Variants in UHRF2 observed in about 807,000 individuals in gnomAD.
The protein encoded by UHRF2 is E3 ubiquitin-protein ligase UHRF2.
UHRF2 carries 23 observed loss-of-function variants against 96.8 expected under a neutral mutation model. The observed-to-expected ratio is 0.24, with a 90% confidence interval of 0.17 to 0.34. The LOEUF is 0.34. UHRF2 is among the 10% of genes least tolerant of loss of function. The pLI is 1.00. For synonymous variants in UHRF2, 385 were observed against 332.6 expected, an observed-to-expected ratio of 1.16 and a Z score of -1.72; for missense variants, 685 against 981.5, an observed-to-expected ratio of 0.70 and a Z score of 4.04.
chr9:6,474,497 GGAGTTC>G (rs1823443097), intron 4 of UHRF2, among the ~76,000 whole-genome samples: 1 of 152,178 alleles, frequency 6.6e-6, no homozygotes, highest in Non-Finnish European at 1.5e-5. Flanking sequence ...CCTGAGGTCA[GGAGTTC>G]GAGACGAGCC....
At chr9:6,457,327 A>G (rs1822243992) in intron 3 of UHRF2, among the ~76,000 whole-genome samples, 1 of 152,106 alleles carries the variant, frequency 6.6e-6, no homozygotes, top group Non-Finnish European at 1.5e-5. Flanking sequence ...TTGGTGTATA[A>G]GAATGCTTGT....
chr9:6,474,279 GA>G (rs1470818428), intron 4 of UHRF2, among the ~76,000 whole-genome samples: 8 of 152,174 alleles, frequency 5.3e-5, no homozygotes, highest in African/African-American at 1.9e-4. Context: ...TGGAAGGATG[GA>G]AAAAGTCTTC....
chr9:6,475,240 G>A (rs1823496586), intron 4 of UHRF2, 151 bp from the exon 5 acceptor site: 1 of 404,418 alleles, frequency 2.5e-6, no homozygotes, highest in Admixed American at 3.8e-5. Context: ...TCCTACTATT[G>A]AAAACAATAG....
intron 3 of UHRF2, among the ~76,000 whole-genome samples, chr9:6,454,028 CT>C (rs58190928): frequency 0.24 from 36,151 of 152,064 alleles, 4,560 homozygotes; most frequent in African/African-American, 0.3. Context: ...TTGACATTTA[CT>C]TTACCCCCAT....
intron 13 of UHRF2, among the ~76,000 whole-genome samples, chr9:6,500,160 G>A (rs1445255470): frequency 1.3e-5 from 2 of 151,982 alleles, no homozygotes; most frequent in Non-Finnish European, 2.9e-5. Context: ...TAAAGATGGG[G>A]TTTCTCCATG....
At chr9:6,501,864 A>G (rs1216916905) in intron 14 of UHRF2, among the ~76,000 whole-genome samples, 1 of 152,226 alleles carries the variant, frequency 6.6e-6, no homozygotes, top group Non-Finnish European at 1.5e-5. Context: ...GTTAGTGATA[A>G]CTGAGGTGAG....
At position 6,497,324 on chromosome 9, in the gene UHRF2, T is replaced by C. The variant is rs1825024865; in HGVS notation, c.1731T>C (p.Ala577=). 6.2e-7 allele frequency: 1 copy of C among 1,613,944 alleles called. No individual in the cohort carries two copies. The highest frequency in any genetic ancestry group is 8.5e-7 in the Non-Finnish European group (1 of 1,179,868). ...SFKGRKISKY[A]PEEGNRYDGI... ...AAGGGAGGAAGATCAGCAAATATGC[T>C]CCTGAAGAAGGCAACAGATATGATG... Residue 577 remains alanine (A), a synonymous_variant, in exon 11 of 16, where the codon GCT becomes GCC. Transcript: ENST00000276893.
chr9:6,469,007 C>T (rs751863747), intron 4 of UHRF2, among the ~76,000 whole-genome samples: 13 of 152,008 alleles, frequency 8.6e-5, no homozygotes, highest in East Asian at 7.7e-4. Context: ...TGCCAAAAGA[C>T]GGTGCCACAT....
At chr9:6,430,891 G>A (rs1820530011) in intron 2 of UHRF2, among the ~76,000 whole-genome samples, 1 of 152,118 alleles carries the variant, frequency 6.6e-6, no homozygotes, top group Non-Finnish European at 1.5e-5. Flanking sequence ...GCTTCTCCAT[G>A]TTGTCACTTA....
intron 12 of UHRF2, 131 bp from the exon 13 acceptor site, chr9:6,499,704 T>G: frequency 2.0e-6 from 1 of 511,514 alleles, no homozygotes; most frequent in Non-Finnish European, 3.5e-6. Flanking sequence ...GTCTGTTTCT[T>G]TTATGTAAAG....
intron 9 of UHRF2, among the ~76,000 whole-genome samples, chr9:6,490,273 A>G (rs1413912613): frequency 6.6e-6 from 1 of 152,218 alleles, no homozygotes; most frequent in Admixed American, 6.5e-5. Flanking sequence ...TAACTGAGAT[A>G]ATTTATGTGG....
At chr9:6,477,884 G>C (rs1422449311) in intron 6 of UHRF2, 76 bp downstream of exon 6, 1 of 1,276,660 alleles carries the variant, frequency 7.8e-7, no homozygotes, top group African/African-American at 1.5e-5. Flanking sequence ...ACCAAAAGTA[G>C]ATTTCTAAAG....
rs751155835 is a variant in UHRF2, at chr9:6,445,981, C to CTTTGTTTTTTTTT, written c.644+11811_644+11812insGTTTTTTTTTTTT. Reference sequence around the variant, plus strand: ...TAAATACTCTTCCCCCCCCGCCACCCTTTTTTTTTTTTTTTTTTTCCTGTT... The same window carrying CTTTGTTTTTTTTT: ...TAAATACTCTTCCCCCCCCGCCACCCTTTGTTTTTTTTTTTTTTTTTTTTTTTTTTTTCCTGTT... On this transcript the variant is annotated intron_variant, in intron 3 of 15. Transcript: ENST00000276893. Among the ~76,000 whole-genome samples, 22 of 78,896 alleles carry CTTTGTTTTTTTTT rather than the reference C, an allele frequency of 2.8e-4. 1 individual carries two copies. The highest frequency in any genetic ancestry group is 7.3e-4 in the African/African-American group (14 of 19,048). The allele number at this position is 78,896 out of a possible 152,430, so 51.8% of individuals were successfully genotyped here. A position where few individuals can be genotyped will look rare whatever the true frequency, so the allele number is the denominator to read the frequency against.
At chr9:6,481,259 A>G (rs1438884929) in intron 6 of UHRF2, among the ~76,000 whole-genome samples, 3 of 152,164 alleles carry the variant, frequency 2.0e-5, no homozygotes, top group Admixed American at 6.5e-5. Flanking sequence ...ACCAATTTAG[A>G]TGGGGAGTTG....
chr9:6,470,176 C>A (rs770132287), intron 4 of UHRF2, among the ~76,000 whole-genome samples: 1 of 152,108 alleles, frequency 6.6e-6, no homozygotes, highest in African/African-American at 2.4e-5. Flanking sequence ...AATTCAAGAC[C>A]AGCCTGGCCA....
chr9:6,467,690 A>G (rs1822961771), intron 4 of UHRF2, among the ~76,000 whole-genome samples: 1 of 146,620 alleles, frequency 6.8e-6, no homozygotes, highest in African/African-American at 2.6e-5. Flanking sequence ...GAATTCTTTC[A>G]AAGATTTGAA....
intron 3 of UHRF2, among the ~76,000 whole-genome samples, chr9:6,448,765 G>T (rs1181706539): frequency 6.6e-6 from 1 of 152,236 alleles, no homozygotes; most frequent in African/African-American, 2.4e-5. Flanking sequence ...CAGGAGTTAA[G>T]AATGTGGTAG....
At chr9:6,454,065 A>G (rs1822034211) in intron 3 of UHRF2, among the ~76,000 whole-genome samples, 1 of 152,236 alleles carries the variant, frequency 6.6e-6, no homozygotes, top group Non-Finnish European at 1.5e-5. Context: ...GTGATTTAAA[A>G]GACTTCTCAT....
At chr9:6,471,315 G>A (rs1280041437) in intron 4 of UHRF2, among the ~76,000 whole-genome samples, 1 of 152,090 alleles carries the variant, frequency 6.6e-6, no homozygotes, top group Non-Finnish European at 1.5e-5. Context: ...TCCAAATAAT[G>A]AATTAGCTCA....
Sources: allele counts gnomAD v4.1 joint callset (sites outside exome capture counted in the v4.1 genomes callset), GRCh38; gene constraint gnomAD v4.1.1; transcripts MANE v1.5; gene names NCBI Gene and HGNC (gene_info 2026-07-23, HGNC 2026-07-21).